The following MROH7 variants were observed in gnomAD, a reference collection of about 807,000 sequenced individuals.
MROH7 encodes maestro heat like repeat family member 7.
MROH7 carries 113 observed loss-of-function variants against 129.2 expected under a neutral mutation model. The ratio of observed to expected loss-of-function variants is 0.87; its 90% CI spans 0.75 to 1.02. The LOEUF is 1.02. Ranked by LOEUF, MROH7 falls within the 50% of genes least tolerant of loss-of-function variation. MROH7 has a pLI of 0.00. For missense variants in MROH7, 1,601 were observed against 1,671.3 expected (o/e 0.96, Z 0.73); for synonymous variants, 655 against 667.9 (o/e 0.98, Z 0.30).
At chr1:54,667,644 C>G (rs556097965) in intron 4 of MROH7, among the ~76,000 whole-genome samples, 3 of 151,658 alleles carry the variant, frequency 2.0e-5, no homozygotes, top group Non-Finnish European at 4.4e-5. Context: ...TTAGTACAGA[C>G]AGGGTTTCAT....
rs567881033 is a variant in MROH7 at position 54,642,627 on chromosome 1, A to AT, written c.-110+665dup. ...GAATTAGTAGAAATCAATTTATTTT[A>AT]TTTTTTGAGACAGAGTCTCTCTCTG... On this transcript the variant is annotated intron_variant, in intron 1 of 23. Transcript: ENST00000421030. Among the ~76,000 whole-genome samples the AT allele has an allele frequency of 8.0e-4, 122 of 152,128 alleles. 1 individual carries two copies. The highest frequency in any genetic ancestry group is 2.8e-3 in the African/African-American group (116 of 41,500).
At chr1:54,647,146 A>G (rs538753816) in intron 1 of MROH7, among the ~76,000 whole-genome samples, 1 of 152,250 alleles carries the variant, frequency 6.6e-6, no homozygotes, top group African/African-American at 2.4e-5. Context: ...CTGATGTCCA[A>G]TTTATCTATA....
At chr1:54,695,519 G>T in intron 17 of MROH7, 29 bp downstream of exon 17, 1 of 1,480,966 alleles carries the variant, frequency 6.8e-7, no homozygotes, top group East Asian at 2.3e-5. Context: ...GGTACACAGC[G>T]GGAGCTCCTC....
intron 22 of MROH7, among the ~76,000 whole-genome samples, chr1:54,708,244 C>T (rs1459627426): frequency 6.6e-6 from 1 of 152,090 alleles, no homozygotes; most frequent in Non-Finnish European, 1.5e-5. Flanking sequence ...TATAGCAAGA[C>T]CCCATCTCTA....
At chr1:54,664,621 T>C (rs577695670) in intron 3 of MROH7, among the ~76,000 whole-genome samples, 2 of 152,326 alleles carry the variant, frequency 1.3e-5, no homozygotes, top group Admixed American at 6.5e-5. Context: ...AGGCAGGGCA[T>C]TGAGGGTCTT....
At chr1:54,708,942 TG>T in intron 22 of MROH7, 71 bp from the exon 23 acceptor site, 2 of 1,244,052 alleles carry the variant, frequency 1.6e-6, no homozygotes, top group Non-Finnish European at 2.3e-6. Context: ...TGAGGAACTC[TG>T]GTCTAAGGGT....
intron 15 of MROH7, among the ~76,000 whole-genome samples, chr1:54,688,303 C>T (rs1225188422): frequency 6.7e-6 from 1 of 149,494 alleles, no homozygotes; most frequent in African/African-American, 2.5e-5. Flanking sequence ...AACTCCTAGG[C>T]TCAAGTGATC....
chr1:54,673,639 C>T, intron 8 of MROH7, 62 bp from the exon 9 acceptor site: 1 of 1,293,886 alleles, frequency 7.7e-7, no homozygotes, highest in Non-Finnish European at 1.1e-6. Flanking sequence ...GCTGGCCTGT[C>T]CACCCAGCAG....
chr1:54,645,924 A>C (rs1383162358), intron 1 of MROH7, among the ~76,000 whole-genome samples: 1 of 152,062 alleles, frequency 6.6e-6, no homozygotes, highest in Non-Finnish European at 1.5e-5. Context: ...AAGTGCTGGG[A>C]TACAGGCATG....
Position 54,693,241 on chromosome 1 carries a change from T to G in MROH7, c.2849+680T>G, listed in dbSNP as rs543661844. ...TGAATGTGTAGTACATGATGGTAAG[T>G]GTCAGTTGGGTCTGCAGAGGCAACA... On this transcript the variant is annotated intron_variant, in intron 16 of 23. Coordinates refer to ENST00000421030, the MANE Select transcript of MROH7 (RefSeq NM_001039464.4). Among the ~76,000 whole-genome samples the G allele has an allele frequency of 2.6e-5, 4 of 152,298 alleles. No homozygotes were observed. In the South Asian group the frequency reaches 8.3e-4, roughly 32 times the overall value.
At chr1:54,702,269 C>T (rs1390999636) in intron 20 of MROH7, 24 bp downstream of exon 20, 1 of 1,408,790 alleles carries the variant, frequency 7.1e-7, no homozygotes, top group Non-Finnish European at 9.3e-7. Flanking sequence ...GGCCCTGCAC[C>T]CTCTACCCCT....
intron 7 of MROH7, 56 bp from the exon 8 acceptor site, chr1:54,673,035 G>A: frequency 1.5e-6 from 2 of 1,354,830 alleles, no homozygotes; most frequent in Non-Finnish European, 2.1e-6. Context: ...GGGCCGCCTG[G>A]GGCTGGTGTC....
intron 1 of MROH7, among the ~76,000 whole-genome samples, chr1:54,645,033 C>T (rs774379254): frequency 1.3e-5 from 2 of 151,316 alleles, no homozygotes. Context: ...TGGTCTTGAA[C>T]TCCTGGCATC....
chr1:54,702,336 A>G, intron 20 of MROH7, 91 bp downstream of exon 20: 1 of 1,176,214 alleles, frequency 8.5e-7, no homozygotes, highest in African/African-American at 1.6e-5. Context: ...AGTCTCAAAC[A>G]ATCCTGGGGG....
At position 54,669,019 on chromosome 1, in the gene MROH7, G is replaced by C. The variant is rs1569900798; in HGVS notation, c.1389+82G>C. On this transcript the variant is annotated intron_variant, in intron 5 of 23. Transcript: ENST00000421030. ...AGTCCACCCACTGATGAGACCGCAGGGGTGGGAGGTTGAGGTAGGAAGAGG... is the reference window on the plus strand; with the variant it reads ...AGTCCACCCACTGATGAGACCGCAGCGGTGGGAGGTTGAGGTAGGAAGAGG... 3.9e-6 allele frequency: 4 copies of C among 1,033,816 alleles called. No homozygotes were observed. The East Asian group carries it at 9.7e-5, about 25-fold the overall frequency. 64.0% of individuals were successfully genotyped at this position (1,033,816 alleles called of 1,614,324 possible). A position where few individuals can be genotyped will look rare whatever the true frequency, so the allele number is the denominator to read the frequency against.
At chr1:54,696,478 C>A (rs949463682) in intron 17 of MROH7, among the ~76,000 whole-genome samples, 1 of 152,188 alleles carries the variant, frequency 6.6e-6, no homozygotes. Context: ...ACAAACTCCC[C>A]GTTCCATTCC....
intron 8 of MROH7, among the ~76,000 whole-genome samples, chr1:54,673,484 T>C (rs1557706396): frequency 6.6e-6 from 1 of 152,146 alleles, no homozygotes; most frequent in East Asian, 1.9e-4. Context: ...CTCTTCACTC[T>C]TCATCTGTCT....
intron 4 of MROH7, among the ~76,000 whole-genome samples, chr1:54,666,667 G>A (rs1644820438): frequency 6.6e-6 from 1 of 151,266 alleles, no homozygotes; most frequent in Non-Finnish European, 1.5e-5. Flanking sequence ...GGCTGGTCTT[G>A]AACTCCTGAG....
Position 54,686,646 on chromosome 1 carries a change from C to T in MROH7, c.2711+198C>T, listed in dbSNP as rs747343659. On this transcript the variant is annotated intron_variant, in intron 15 of 23. Coordinates refer to ENST00000421030, the MANE Select transcript of MROH7 (RefSeq NM_001039464.4). ...TTGAGCACCTGCTCTGTGCATTACACACTGTGTTTAGTCTAGATCACAGGA... is the reference window on the plus strand; with the variant it reads ...TTGAGCACCTGCTCTGTGCATTACATACTGTGTTTAGTCTAGATCACAGGA... Among the ~76,000 whole-genome samples, 115 of 152,352 alleles carry T rather than the reference C, an allele frequency of 7.5e-4. 1 individual carries two copies. The highest frequency in any genetic ancestry group is 3.4e-3 in the Middle Eastern group (1 of 294).
Sources: allele counts gnomAD v4.1 joint callset (sites outside exome capture counted in the v4.1 genomes callset), GRCh38; gene constraint gnomAD v4.1.1; transcripts MANE v1.5; gene names NCBI Gene and HGNC (gene_info 2026-07-23, HGNC 2026-07-21).